WSCD2: variants seen among roughly 807,000 people sequenced by gnomAD.
The protein encoded by WSCD2 is sialate:O-sulfotransferase 2.
A neutral mutation model predicts 55.7 loss-of-function variants in WSCD2; 28 were observed. That is an observed-to-expected ratio of 0.50 (90% CI 0.37 to 0.69). The LOEUF (loss-of-function observed/expected upper bound fraction) is 0.69, where lower values mean the gene tolerates loss of function less well. Ranked by LOEUF, WSCD2 falls within the 30% of genes least tolerant of loss-of-function variation. The probability of loss-of-function intolerance (pLI) is 0.00; values close to 1 mark genes in which losing one functional copy is unlikely to be tolerated. For missense variants in WSCD2, 616 were observed against 762.1 expected, an observed-to-expected ratio of 0.81 and a Z score of 2.26; for synonymous variants, 301 against 301.9, an observed-to-expected ratio of 1.00 and a Z score of 0.03.
At position 108,232,789 on chromosome 12, in the gene WSCD2, G is replaced by A; in HGVS notation, c.1038G>A (p.Leu346=). The A allele has an allele frequency of 1.2e-6, 2 of 1,613,930 alleles. No individual in the cohort carries two copies. Among genetic ancestry groups the A allele is most frequent in the Non-Finnish European group, 1.7e-6 (2 of 1,179,994 alleles). The change falls in exon 7 of 9, where the codon TTG becomes TTA. Residue 346 remains leucine, a synonymous_variant. Coordinates refer to ENST00000547525, the MANE Select transcript of WSCD2 (RefSeq NM_014653.4). The part of the protein sequence containing the change: ...LPGKSKQLIA[L]ASFPGAGNTW... ...GCAAGTCCAAGCAGCTCATTGCTTTGGCCAGCTTCCCAGGTGCTGGCAACA... is the reference window on the plus strand; with the variant it reads ...GCAAGTCCAAGCAGCTCATTGCTTTAGCCAGCTTCCCAGGTGCTGGCAACA...
At chr12:108,235,008 A>G (rs1238125090) in intron 7 of WSCD2, among the ~76,000 whole-genome samples, 1 of 152,226 alleles carries the variant, frequency 6.6e-6, no homozygotes, top group African/African-American at 2.4e-5. Context: ...AGTATTCGCC[A>G]TCTGATCTAA....
rs1437726345 is a variant in WSCD2 at position 108,248,510 on chromosome 12, G to T, written c.*167G>T. 1 of 1,423,930 alleles carries T rather than the reference G, an allele frequency of 7.0e-7. No individual in the cohort carries two copies. Among genetic ancestry groups the T allele is most frequent in the Non-Finnish European group, 9.1e-7 (1 of 1,092,914 alleles). 88.2% of individuals were successfully genotyped at this position (1,423,930 alleles called of 1,614,324 possible). On this transcript the variant is annotated 3_prime_UTR_variant, in exon 9 of 9. Transcript: ENST00000547525. This position sits in a 1 kb window ranked among gnomAD's most constrained non-coding sequence, Gnocchi z 4.3. ...TTCCTGCATGACAGAGGAGGCTCAAGGGAAGAGATTGCCCAGGCACTACCA... is the reference window on the plus strand; with the variant it reads ...TTCCTGCATGACAGAGGAGGCTCAATGGAAGAGATTGCCCAGGCACTACCA...
chr12:108,247,909 T>C, intron 8 of WSCD2, 82 bp from the exon 9 acceptor site: 1 of 1,425,774 alleles, frequency 7.0e-7, no homozygotes, highest in Non-Finnish European at 9.7e-7. Context: ...CTGTGAATAA[T>C]GGTAACCACT....
Position 108,210,370 on chromosome 12 carries a change from G to C in WSCD2, c.682+65G>C, listed in dbSNP as rs979973667. 48 of 1,506,214 alleles carry C rather than the reference G, an allele frequency of 3.2e-5. No homozygotes were observed. The highest frequency in any genetic ancestry group is 4.1e-5 in the Non-Finnish European group (46 of 1,131,284). The allele number at this position is 1,506,214 out of a possible 1,614,324, so 93.3% of individuals were successfully genotyped here. On this transcript the variant is annotated intron_variant, in intron 4 of 8. Coordinates refer to ENST00000547525, the MANE Select transcript of WSCD2 (RefSeq NM_014653.4). This position sits in a 1 kb window ranked among gnomAD's most constrained non-coding sequence, Gnocchi z 4.3. ...TCAGCTGCAGCCCTTGCCCACCAAA[G>C]AGTCCCACATGTCTGCCCTGTACCC...
chr12:108,219,817 C>A (rs1443212159), intron 4 of WSCD2, among the ~76,000 whole-genome samples: 1 of 152,254 alleles, frequency 6.6e-6, no homozygotes, highest in African/African-American at 2.4e-5. Context: ...CTGTCTGTAG[C>A]AACCCTCCAA....
chr12:108,202,035 T>C (rs1369030377), intron 2 of WSCD2, among the ~76,000 whole-genome samples: 1 of 152,198 alleles, frequency 6.6e-6, no homozygotes, highest in Non-Finnish European at 1.5e-5. Context: ...CTGTTTTACA[T>C]ATCTGACCTC....
chr12:108,222,665 T>A (rs565767949), intron 4 of WSCD2, among the ~76,000 whole-genome samples: 2 of 152,212 alleles, frequency 1.3e-5, no homozygotes, highest in African/African-American at 4.8e-5. Context: ...CCACTTAAAA[T>A]TTTTTTTAAT....
chr12:108,154,148 G>A (rs982122755), intron 1 of WSCD2, among the ~76,000 whole-genome samples: 7 of 152,186 alleles, frequency 4.6e-5, no homozygotes, highest in Admixed American at 2.6e-4. Flanking sequence ...TGCGAAGGGT[G>A]TATTAGTTTC....
At chr12:108,245,311 A>G (rs1395386709) in intron 8 of WSCD2, among the ~76,000 whole-genome samples, 1 of 152,168 alleles carries the variant, frequency 6.6e-6, no homozygotes, top group African/African-American at 2.4e-5. Flanking sequence ...TCTCTAGGCT[A>G]CTTGAGAGCA....
Position 108,142,350 on chromosome 12 carries a change from C to T in WSCD2, c.-552+12424C>T, listed in dbSNP as rs117346507. On this transcript the variant is annotated intron_variant, in intron 1 of 8. Transcript: ENST00000547525. ...CCTCCCTGGCCTCCTCAAAACACCA[C>T]AGGTACCTGCAGCTCTGAACACATG... Among the ~76,000 whole-genome samples the T allele has an allele frequency of 7.0e-3, 1,070 of 152,284 alleles. 6 individuals carry two copies. Among genetic ancestry groups the T allele is most frequent in the Middle Eastern group, 0.01 (3 of 294 alleles).
intron 7 of WSCD2, among the ~76,000 whole-genome samples, chr12:108,236,858 C>T (rs1037932389): frequency 6.6e-6 from 1 of 152,186 alleles, no homozygotes; most frequent in Admixed American, 6.5e-5. Flanking sequence ...CTTCATCCCC[C>T]CTCTCCCTGC....
intron 3 of WSCD2, among the ~76,000 whole-genome samples, chr12:108,209,002 G>A (rs1355889869): frequency 6.6e-6 from 1 of 152,198 alleles, no homozygotes; most frequent in African/African-American, 2.4e-5. Context: ...AAGAGCACAA[G>A]TGCTCCCTCA....
chr12:108,245,231 G>A (rs981164566), intron 8 of WSCD2, among the ~76,000 whole-genome samples: 47 of 141,336 alleles, frequency 3.3e-4, no homozygotes, highest in African/African-American at 1.3e-3. Flanking sequence ...GTAGACTTGG[G>A]CAAGTTGCTC....
rs144661403 is a variant in WSCD2 at position 108,187,636 on chromosome 12, AGT to A, written c.-551-7643_-551-7642del. ...AAGGATTACAAGTTACTCTCTAGACAGTGTCTGTCACATAGTTGGTGCTCAAT... is the reference window on the plus strand; with the variant it reads ...AAGGATTACAAGTTACTCTCTAGACAGTCTGTCACATAGTTGGTGCTCAAT... On this transcript the variant is annotated intron_variant, in intron 1 of 8. Coordinates refer to ENST00000547525, the MANE Select transcript of WSCD2 (RefSeq NM_014653.4). 6.3e-3 allele frequency among the ~76,000 whole-genome samples: 960 copies of A among 152,340 alleles called. 8 individuals are homozygous for A. The highest frequency in any genetic ancestry group is 0.02 in the African/African-American group (814 of 41,580).
At chr12:108,152,099 C>T (rs551401265) in intron 1 of WSCD2, among the ~76,000 whole-genome samples, 50 of 152,274 alleles carry the variant, frequency 3.3e-4, no homozygotes, top group Middle Eastern at 3.4e-3. Flanking sequence ...CTGATCCCCC[C>T]GGGAAACGCT....
intron 3 of WSCD2, among the ~76,000 whole-genome samples, chr12:108,209,475 G>A (rs892364233): frequency 6.6e-6 from 1 of 152,166 alleles, no homozygotes; most frequent in African/African-American, 2.4e-5. Flanking sequence ...CACAGGATCT[G>A]GGGTGTGTGT....
intron 1 of WSCD2, among the ~76,000 whole-genome samples, chr12:108,187,369 A>C (rs924951024): frequency 4.6e-5 from 7 of 152,206 alleles, no homozygotes; most frequent in Non-Finnish European, 8.8e-5. Flanking sequence ...TTGTCATGAG[A>C]AGAGGTAAAT....
chr12:108,142,199 T>C (rs1305888574), intron 1 of WSCD2, among the ~76,000 whole-genome samples: 1 of 152,256 alleles, frequency 6.6e-6, no homozygotes, highest in East Asian at 1.9e-4. Flanking sequence ...AGCTGTGTTT[T>C]GATAAGGTAG....
intron 7 of WSCD2, among the ~76,000 whole-genome samples, chr12:108,238,752 A>G (rs1455706151): frequency 6.6e-6 from 1 of 152,194 alleles, no homozygotes; most frequent in Non-Finnish European, 1.5e-5. Flanking sequence ...GGCTTACTAC[A>G]ATAACATTTC....
Sources: allele counts gnomAD v4.1 joint callset (sites outside exome capture counted in the v4.1 genomes callset), GRCh38; gene constraint gnomAD v4.1.1; non-coding constraint Gnocchi (gnomAD v3.1); transcripts MANE v1.5; gene names NCBI Gene and HGNC (gene_info 2026-07-23, HGNC 2026-07-21).